DCDC1: variants seen among roughly 807,000 people sequenced by gnomAD.
DCDC1 encodes the protein doublecortin domain containing 1.
DCDC1 carries 200 observed loss-of-function variants against 178.3 expected under a neutral mutation model. The observed-to-expected ratio is 1.12, with a 90% confidence interval of 1.00 to 1.26. DCDC1 has a LOEUF of 1.26. Ranked by LOEUF, DCDC1 falls within the 50% of genes most tolerant of loss-of-function variation. The probability of loss-of-function intolerance (pLI) is 0.00; values close to 1 mark genes in which losing one functional copy is unlikely to be tolerated. For synonymous variants in DCDC1, 690 were observed against 604.8 expected (o/e 1.14, Z -2.07); for missense variants, 1,983 against 1,749.2 (o/e 1.13, Z -2.38).
intron 1 of DCDC1, among the ~76,000 whole-genome samples, chr11:31,346,484 AAAAAG>A: frequency 7.0e-6 from 1 of 142,898 alleles, no homozygotes; most frequent in Admixed American, 7.1e-5. Context: ...AAAAAAAAAA[AAAAAG>A]AAATCATTTC....
intron 1 of DCDC1, among the ~76,000 whole-genome samples, chr11:31,357,322 A>G (rs1213329617): frequency 1.5e-4 from 22 of 146,678 alleles, no homozygotes; most frequent in African/African-American, 3.6e-4. Flanking sequence ...TATAAACAGA[A>G]CCAAAGACAA....
In DCDC1 at chr11:31,102,293, TA is replaced by T; in HGVS notation, c.1878-12del. On this transcript the variant is annotated splice_polypyrimidine_tract_variant and intron_variant, in intron 14 of 38. Coordinates refer to ENST00000684477, the MANE Select transcript of DCDC1 (RefSeq NM_001387274.1). ...TCACAAACTTCCCAACTAAGAAAAGTAAAATACGTAATTATTTTTATTAGAA... is the reference window on the plus strand; with the variant it reads ...TCACAAACTTCCCAACTAAGAAAAGTAAATACGTAATTATTTTTATTAGAA... The T allele has an allele frequency of 1.5e-6, 1 of 665,456 alleles. No individual in the cohort carries two copies. Among genetic ancestry groups the T allele is most frequent in the African/African-American group, 1.8e-5 (1 of 56,620 alleles). 41.2% of individuals were successfully genotyped at this position (665,456 alleles called of 1,614,324 possible). A position where few individuals can be genotyped will look rare whatever the true frequency, so the allele number is the denominator to read the frequency against.
intron 8 of DCDC1, among the ~76,000 whole-genome samples, chr11:31,251,664 A>T (rs1591543848): frequency 6.6e-6 from 1 of 152,126 alleles, no homozygotes; most frequent in Non-Finnish European, 1.5e-5. Flanking sequence ...GTTTCTATGG[A>T]TAACCCTAAG....
chr11:30,911,246 T>TC (rs1945427829), intron 28 of DCDC1, 81 bp downstream of exon 28: 4 of 1,123,672 alleles, frequency 3.6e-6, no homozygotes, highest in Non-Finnish European at 5.1e-6. Context: ...TTTTTTTTTT[T>TC]CCTCCACTAC....
chr11:31,341,466 G>A (rs1481201561), intron 1 of DCDC1, among the ~76,000 whole-genome samples: 4 of 150,250 alleles, frequency 2.7e-5, no homozygotes, highest in South Asian at 2.1e-4. Flanking sequence ...ACGGGGATAC[G>A]TTCTGAGAAA....
Position 31,113,706 on chromosome 11 carries a change from A to G in DCDC1, c.1486-3345T>C, listed in dbSNP as rs189621132. ...GTCTATCATTGATGGACATTTGGGCAGGGCATAACCCCATCGTCTGTAACA... is the reference window on the plus strand; with the variant it reads ...GTCTATCATTGATGGACATTTGGGCGGGGCATAACCCCATCGTCTGTAACA... On this transcript the variant is annotated intron_variant, in intron 11 of 38. Transcript: ENST00000684477. Among the ~76,000 whole-genome samples, 339 of 152,200 alleles carry G rather than the reference A, an allele frequency of 2.2e-3. 4 individuals carry two copies. The highest frequency in any genetic ancestry group is 7.4e-3 in the African/African-American group (306 of 41,532).
intron 23 of DCDC1, among the ~76,000 whole-genome samples, chr11:30,923,344 ATGTC>A (rs1451107623): frequency 6.6e-6 from 1 of 150,930 alleles, no homozygotes; most frequent in Non-Finnish European, 1.5e-5. Context: ...AAACACCAAA[ATGTC>A]AATGTGGCTA....
chr11:31,220,760 T>G (rs1974174097), intron 9 of DCDC1, among the ~76,000 whole-genome samples: 3 of 152,180 alleles, frequency 2.0e-5, no homozygotes, highest in Admixed American at 2.0e-4. Flanking sequence ...GAAAATTCCA[T>G]CGACTGGATA....
chr11:31,040,152 CTG>C (rs1415470364), intron 20 of DCDC1, among the ~76,000 whole-genome samples: 1 of 151,850 alleles, frequency 6.6e-6, no homozygotes, highest in Non-Finnish European at 1.5e-5. Flanking sequence ...AAATACAGGA[CTG>C]TAAAAATAGA....
chr11:30,974,729 G>A (rs886374746), intron 20 of DCDC1, among the ~76,000 whole-genome samples: 8 of 151,968 alleles, frequency 5.3e-5, no homozygotes, highest in South Asian at 4.2e-4. Context: ...AAAGTCTTCC[G>A]CAAAGAAAAG....
At chr11:31,133,515 G>T (rs867880042) in intron 10 of DCDC1, among the ~76,000 whole-genome samples, 1 of 152,090 alleles carries the variant, frequency 6.6e-6, no homozygotes, top group Non-Finnish European at 1.5e-5. Flanking sequence ...TGTTTTAAGC[G>T]GTAAGAAGGA....
chr11:30,984,115 A>G (rs1458166314), intron 20 of DCDC1, among the ~76,000 whole-genome samples: 1 of 152,156 alleles, frequency 6.6e-6, no homozygotes, highest in Non-Finnish European at 1.5e-5. Flanking sequence ...ACAGGTGAAG[A>G]GGTAAAAGGA....
At chr11:31,134,363 C>T (rs944241365) in intron 10 of DCDC1, among the ~76,000 whole-genome samples, 5 of 152,198 alleles carry the variant, frequency 3.3e-5, no homozygotes, top group South Asian at 2.1e-4. Flanking sequence ...GCACCAATGT[C>T]TGAGGATACT....
At position 30,903,584 on chromosome 11, in the gene DCDC1, A is replaced by T; in HGVS notation, c.4408T>A (p.Leu1470Ile). The change falls in exon 32 of 39, where the codon TTA becomes ATA. Residue 1470 changes from leucine to isoleucine, a missense_variant. Transcript: ENST00000684477. Reference sequence around the variant, plus strand: ...AGAAAGGATTCATCTAGAGCCCATAAAACCAAATCACGCAAGGTAAAGATT... The same window carrying T: ...AGAAAGGATTCATCTAGAGCCCATATAACCAAATCACGCAAGGTAAAGATT... ...TPIFTLRDLV[L>I]WALDESFLQR... The T allele has an allele frequency of 6.2e-7, 1 of 1,610,282 alleles. No individual in the cohort carries two copies. Among genetic ancestry groups the T allele is most frequent in the Non-Finnish European group, 8.5e-7 (1 of 1,178,188 alleles).
At chr11:30,943,614 C>A (rs1023529761) in intron 21 of DCDC1, 2 of 449,686 alleles carry the variant, frequency 4.4e-6, no homozygotes, top group African/African-American at 2.0e-5. Flanking sequence ...TTTTTCAATT[C>A]ACAACTTTTC....
chr11:31,305,312 A>G (rs1172486235), intron 6 of DCDC1, among the ~76,000 whole-genome samples: 1 of 152,166 alleles, frequency 6.6e-6, no homozygotes. Context: ...CAGAAACTAA[A>G]CAGTAAATTC....
At chr11:31,209,975 A>G (rs1345307430) in intron 9 of DCDC1, among the ~76,000 whole-genome samples, 1 of 152,200 alleles carries the variant, frequency 6.6e-6, no homozygotes, top group Non-Finnish European at 1.5e-5. Flanking sequence ...TGCAACAACT[A>G]GAGTCATTTC....
chr11:30,867,320 T>G lies in DCDC1; in HGVS notation c.*41-1988A>C, dbSNP rs140948173. ...AATCCCAGTTCTGCCACTTATTGGC[T>G]GGTGCCTTTAGCAAAGATATTTCAC... On this transcript the variant is annotated intron_variant, in intron 38 of 38. Coordinates refer to ENST00000684477, the MANE Select transcript of DCDC1 (RefSeq NM_001387274.1). 2.3e-3 allele frequency among the ~76,000 whole-genome samples: 352 copies of G among 152,342 alleles called. 1 individual carries two copies. The highest frequency in any genetic ancestry group is 3.5e-3 in the Non-Finnish European group (239 of 68,022).
intron 38 of DCDC1, among the ~76,000 whole-genome samples, chr11:30,871,192 A>G (rs2133920711): frequency 6.6e-6 from 1 of 152,320 alleles, no homozygotes; most frequent in South Asian, 2.1e-4. Flanking sequence ...GTTAAGCAAC[A>G]GAAGCCATGA....
Sources: allele counts gnomAD v4.1 joint callset (sites outside exome capture counted in the v4.1 genomes callset), GRCh38; gene constraint gnomAD v4.1.1; transcripts MANE v1.5; gene names NCBI Gene and HGNC (gene_info 2026-07-23, HGNC 2026-07-21).